Variants in TTC27 observed in about 807,000 individuals in gnomAD.
TTC27 encodes tetratricopeptide repeat protein 27.
Under a neutral mutation model 115.9 loss-of-function variants are expected in TTC27, and 79 were observed. That is an observed-to-expected ratio of 0.68 (90% CI 0.57 to 0.82). The LOEUF is 0.82. TTC27 is among the 40% of genes least tolerant of loss of function. TTC27 has a pLI of 0.00. For missense variants in TTC27, 1,054 were observed against 993.1 expected (o/e 1.06, Z -0.82); for synonymous variants, 401 against 356.0 (o/e 1.13, Z -1.42).
intron 10 of TTC27, among the ~76,000 whole-genome samples, chr2:32,730,972 T>C (rs930155424): frequency 4.6e-5 from 7 of 152,176 alleles, no homozygotes; most frequent in Admixed American, 1.3e-4. Context: ...TCGTTGATAG[T>C]TAAATTTTAT....
At chr2:32,668,985 A>G (rs1484160064) in intron 7 of TTC27, among the ~76,000 whole-genome samples, 4 of 152,086 alleles carry the variant, frequency 2.6e-5, no homozygotes. Context: ...AGTCTGTGGC[A>G]GGAGAATGGC....
intron 9 of TTC27, among the ~76,000 whole-genome samples, chr2:32,686,345 T>A (rs545891411): frequency 4.9e-4 from 74 of 152,220 alleles, no homozygotes; most frequent in African/African-American, 1.4e-3. Context: ...CTAAAATCAT[T>A]TGGAGGACTT....
intron 10 of TTC27, among the ~76,000 whole-genome samples, chr2:32,725,450 C>T (rs774745125): frequency 2.0e-5 from 3 of 152,038 alleles, no homozygotes; most frequent in African/African-American, 4.8e-5. Context: ...CATGCAAGTC[C>T]GAAATCCAGC....
intron 10 of TTC27, among the ~76,000 whole-genome samples, chr2:32,723,318 G>A (rs1346031435): frequency 6.6e-6 from 1 of 152,054 alleles, no homozygotes; most frequent in Non-Finnish European, 1.5e-5. Flanking sequence ...CTGAACATAT[G>A]TACCAGCTCT....
intron 13 of TTC27, 75 bp downstream of exon 13, chr2:32,758,594 C>A: frequency 7.3e-7 from 1 of 1,366,640 alleles, no homozygotes; most frequent in Non-Finnish European, 1.0e-6. Flanking sequence ...AGAATGAGTA[C>A]CCATTTTCTA....
At chr2:32,684,222 A>C (rs1052780564) in intron 9 of TTC27, among the ~76,000 whole-genome samples, 3 of 152,008 alleles carry the variant, frequency 2.0e-5, no homozygotes, top group Non-Finnish European at 4.4e-5. Flanking sequence ...ATGATTTCCA[A>C]TTTCATCCAT....
intron 6 of TTC27, 22 bp downstream of exon 6, chr2:32,664,489 T>C: frequency 6.3e-7 from 1 of 1,582,902 alleles, no homozygotes; most frequent in Non-Finnish European, 8.6e-7. Context: ...TTTTTGTGGA[T>C]AATTGATTTT....
At position 32,650,132 on chromosome 2, in the gene TTC27, G is replaced by T. The variant is rs767105389; in HGVS notation, c.539G>T (p.Ser180Ile). ...AGCTTACGTGGTGTTTTTTCCTAGA[G>T]CTTGCCATGGTGGACTTTGAGATGT... ...NVRHKLTAIQ[S>I]LPWWTLRCVN... is the part of the protein sequence containing the mutation. Residue 180 changes from serine to isoleucine, a missense_variant and splice_region_variant, in exon 5 of 20, where the codon AGC (serine) becomes ATC (isoleucine). By Grantham distance (142) the Ser-to-Ile change is moderately radical. Coordinates refer to ENST00000317907, the MANE Select transcript of TTC27 (RefSeq NM_017735.5). 2 of 1,612,612 alleles carry T rather than the reference G, an allele frequency of 1.2e-6. No homozygotes were observed. The highest frequency in any genetic ancestry group is 1.7e-5 in the Admixed American group (1 of 59,798).
At chr2:32,674,915 G>T (rs993757902) in intron 8 of TTC27, among the ~76,000 whole-genome samples, 16 of 151,922 alleles carry the variant, frequency 1.1e-4, no homozygotes, top group African/African-American at 3.6e-4. Context: ...GCCCACCTCG[G>T]CCTCCCAAAG....
intron 7 of TTC27, among the ~76,000 whole-genome samples, chr2:32,668,980 G>A (rs1665904621): frequency 6.6e-6 from 1 of 152,094 alleles, no homozygotes; most frequent in Non-Finnish European, 1.5e-5. Context: ...TCCGGAGTCT[G>A]TGGCAGGAGA....
rs1170438409 is a variant in TTC27 at position 32,782,754 on chromosome 2, T to A, written c.1832+76T>A. On this transcript the variant is annotated intron_variant, in intron 15 of 19. Transcript: ENST00000317907. ...GAGATTTTCTACAACTGAACATTGT[T>A]TCAATGTTTCTCCTTGTTTTACCTT... 1.3e-5 allele frequency: 15 copies of A among 1,175,044 alleles called. No homozygotes were observed. In the East Asian group the frequency reaches 3.1e-4, roughly 24 times the overall value. 72.8% of individuals were successfully genotyped at this position (1,175,044 alleles called of 1,614,324 possible). A position where few individuals can be genotyped will look rare whatever the true frequency, so the allele number is the denominator to read the frequency against.
chr2:32,630,829 A>G (rs1185377489), intron 2 of TTC27, 129 bp downstream of exon 2: 9 of 785,006 alleles, frequency 1.1e-5, no homozygotes, highest in Non-Finnish European at 1.7e-5. Context: ...CTCATGGTGT[A>G]CCAAGTAATC....
At chr2:32,778,501 A>C (rs1231420977) in intron 14 of TTC27, among the ~76,000 whole-genome samples, 4 of 152,170 alleles carry the variant, frequency 2.6e-5, no homozygotes, top group Non-Finnish European at 5.9e-5. Flanking sequence ...ATTTCTCTCC[A>C]AACATCCTCC....
At chr2:32,772,909 A>T (rs928096901) in intron 13 of TTC27, among the ~76,000 whole-genome samples, 1 of 152,006 alleles carries the variant, frequency 6.6e-6, no homozygotes, top group Non-Finnish European at 1.5e-5. Context: ...CTTATTTCAC[A>T]CTTGGGGAAC....
chr2:32,694,885 C>A (rs1666933130), intron 9 of TTC27, among the ~76,000 whole-genome samples: 1 of 151,546 alleles, frequency 6.6e-6, no homozygotes, highest in Admixed American at 6.6e-5. Flanking sequence ...TGCTGTGTTG[C>A]TTAGGCTGAT....
intron 16 of TTC27, among the ~76,000 whole-genome samples, chr2:32,807,883 T>C (rs1039069294): frequency 3.3e-5 from 5 of 151,090 alleles, no homozygotes; most frequent in Non-Finnish European, 4.4e-5. Flanking sequence ...CTTACCTTTC[T>C]GGCCACTCCT....
chr2:32,792,068 A>G (rs1237889437), intron 16 of TTC27, among the ~76,000 whole-genome samples: 1 of 152,148 alleles, frequency 6.6e-6, no homozygotes, highest in Non-Finnish European at 1.5e-5. Flanking sequence ...TCTGATTTCC[A>G]TCTCCACAGT....
At chr2:32,710,678 C>T (rs1455831713) in intron 10 of TTC27, among the ~76,000 whole-genome samples, 4 of 151,962 alleles carry the variant, frequency 2.6e-5, no homozygotes, top group African/African-American at 9.7e-5. Flanking sequence ...ATCTGCCTGC[C>T]TCAGCCTCCC....
intron 16 of TTC27, among the ~76,000 whole-genome samples, chr2:32,807,606 GTAT>G (rs1671174120): frequency 6.6e-6 from 1 of 152,118 alleles, no homozygotes; most frequent in South Asian, 2.1e-4. Context: ...TTGAAAATTA[GTAT>G]TATAGGATAC....
Sources: gnomAD v4.1 joint callset for allele counts (sites outside exome capture counted in the v4.1 genomes callset) on GRCh38, gnomAD v4.1.1 for gene constraint, MANE v1.5 for transcripts, NCBI Gene and HGNC (gene_info 2026-07-23, HGNC 2026-07-21) for gene names.